PTPRD: variants seen among roughly 807,000 people sequenced by gnomAD.
PTPRD encodes the protein protein tyrosine phosphatase receptor type D.
In PTPRD, 34 loss-of-function variants were observed where a neutral mutation model predicts 214.5. That is an observed-to-expected ratio of 0.16 (90% confidence interval 0.12 to 0.21). The LOEUF (loss-of-function observed/expected upper bound fraction) is 0.21. PTPRD is among the 10% of genes least tolerant of loss of function. The pLI is 1.00. For synonymous variants in PTPRD, 1,128 were observed against 845.7 expected (o/e 1.33, Z -5.79); for missense variants, 2,545 against 2,398.7 (o/e 1.06, Z -1.27).
At chr9:10,009,487 G>A (rs887887773) in intron 4 of PTPRD, among the ~76,000 whole-genome samples, 3 of 151,942 alleles carry the variant, frequency 2.0e-5, no homozygotes, top group Non-Finnish European at 2.9e-5. Flanking sequence ...AAAGAGTTAA[G>A]TAATTATCTA....
chr9:8,892,844 G>A (rs1271108976), intron 11 of PTPRD, among the ~76,000 whole-genome samples: 1 of 151,796 alleles, frequency 6.6e-6, no homozygotes, highest in Non-Finnish European at 1.5e-5. Context: ...AAGGCCCAGA[G>A]AAATAAAAGC....
intron 3 of PTPRD, among the ~76,000 whole-genome samples, chr9:10,235,302 C>T (rs956985166): frequency 6.6e-6 from 1 of 151,976 alleles, no homozygotes. Context: ...GACAATGATA[C>T]ACCCAGTGTG....
intron 3 of PTPRD, among the ~76,000 whole-genome samples, chr9:10,330,651 C>T (rs10959048): frequency 0.35 from 52,437 of 151,412 alleles, 10,166 homozygotes; most frequent in African/African-American, 0.53. Context: ...TAAGATTTGG[C>T]CACAAGAGAT....
At chr9:9,193,624 G>A (rs1224905722) in intron 9 of PTPRD, among the ~76,000 whole-genome samples, 1 of 152,038 alleles carries the variant, frequency 6.6e-6, no homozygotes, top group Non-Finnish European at 1.5e-5. Context: ...GTAACACAAT[G>A]GCAAGTATTT....
At chr9:10,104,461 T>C (rs912155188) in intron 3 of PTPRD, among the ~76,000 whole-genome samples, 1 of 151,658 alleles carries the variant, frequency 6.6e-6, no homozygotes, top group Non-Finnish European at 1.5e-5. Context: ...ATAATAGAAA[T>C]CATAAATTTT....
intron 4 of PTPRD, among the ~76,000 whole-genome samples, chr9:9,992,926 G>C (rs977862659): frequency 6.6e-6 from 1 of 151,860 alleles, no homozygotes; most frequent in Non-Finnish European, 1.5e-5. Flanking sequence ...TTGTGCACAT[G>C]TACCCTAGAA....
intron 8 of PTPRD, among the ~76,000 whole-genome samples, chr9:9,402,177 T>C (rs1023930592): frequency 3.9e-5 from 6 of 152,060 alleles, no homozygotes; most frequent in African/African-American, 1.4e-4. Flanking sequence ...GAATAAAATA[T>C]GACAAATGCT....
At chr9:10,127,255 T>A (rs982868531) in intron 3 of PTPRD, among the ~76,000 whole-genome samples, 4 of 152,150 alleles carry the variant, frequency 2.6e-5, no homozygotes, top group African/African-American at 4.8e-5. Context: ...ACAAGACCAA[T>A]GTCCTGAGTA....
intron 5 of PTPRD, among the ~76,000 whole-genome samples, chr9:9,792,781 A>T (rs952892520): frequency 1.3e-5 from 2 of 152,144 alleles, no homozygotes; most frequent in East Asian, 3.9e-4. Context: ...ATTAAGAGCA[A>T]TCCAAAATCT....
rs190402341 is a variant in PTPRD, at chr9:8,927,369, A to C, written c.-104+91328T>G. Among the ~76,000 whole-genome samples, 789 of 151,466 alleles carry C rather than the reference A, an allele frequency of 5.2e-3. 7 individuals carry two copies. Among genetic ancestry groups the C allele is most frequent in the African/African-American group, 0.018 (762 of 41,416 alleles). On this transcript the variant is annotated intron_variant, in intron 11 of 45. Coordinates refer to ENST00000381196, the MANE Select transcript of PTPRD (RefSeq NM_002839.4). ...GTATTTCTCCTAATGCTATTCCCCA[A>C]CATGACAGGCCCTGGTGTGTGACGT...
At chr9:9,400,277 T>C (rs1235381167) in intron 8 of PTPRD, among the ~76,000 whole-genome samples, 2 of 151,932 alleles carry the variant, frequency 1.3e-5, no homozygotes, top group African/African-American at 4.8e-5. Context: ...ATGGCAGTCG[T>C]CTATTTTACT....
intron 2 of PTPRD, among the ~76,000 whole-genome samples, chr9:10,565,597 A>G (rs1371010853): frequency 6.6e-6 from 1 of 152,138 alleles, no homozygotes; most frequent in Non-Finnish European, 1.5e-5. Context: ...ATTTTTAAAC[A>G]CACACAAACA....
intron 11 of PTPRD, among the ~76,000 whole-genome samples, chr9:8,931,838 C>G (rs1386139628): frequency 6.6e-6 from 1 of 152,022 alleles, no homozygotes; most frequent in Non-Finnish European, 1.5e-5. Flanking sequence ...GCCTCAATTT[C>G]AGAACTTGTT....
At chr9:9,676,219 G>T (rs374201029) in intron 7 of PTPRD, among the ~76,000 whole-genome samples, 1 of 151,730 alleles carries the variant, frequency 6.6e-6, no homozygotes, top group Admixed American at 6.6e-5. Flanking sequence ...TTGGTGTGCC[G>T]CACCCAGTAA....
In PTPRD at chr9:10,425,498, A is replaced by G. The variant is rs561501227; in HGVS notation, c.-599-84481T>C. Among the ~76,000 whole-genome samples, 3 of 152,080 alleles carry G rather than the reference A, an allele frequency of 2.0e-5. No individual in the cohort carries two copies. In the South Asian group the frequency reaches 6.2e-4, roughly 32 times the overall value. ...TAATGTGCTACTTTGTTCTCCAAGC[A>G]CTGAGGTATGTCCTTATAGCATAGG... is the stretch of plus-strand genomic sequence containing the variant. On this transcript the variant is annotated intron_variant, in intron 2 of 45. Coordinates refer to ENST00000381196, the MANE Select transcript of PTPRD (RefSeq NM_002839.4).
chr9:8,875,748 T>C (rs1430610558), intron 11 of PTPRD, among the ~76,000 whole-genome samples: 1 of 151,972 alleles, frequency 6.6e-6, no homozygotes, highest in Non-Finnish European at 1.5e-5. Flanking sequence ...GATTTTAGAG[T>C]GGTTAGAGGA....
chr9:8,535,323 G>T (rs964353021), intron 14 of PTPRD, among the ~76,000 whole-genome samples: 5 of 151,828 alleles, frequency 3.3e-5, no homozygotes, highest in African/African-American at 1.2e-4. Context: ...AAAAACAGGG[G>T]TTATCTAGAC....
At chr9:10,094,214 A>C (rs1487355838) in intron 3 of PTPRD, among the ~76,000 whole-genome samples, 1 of 151,428 alleles carries the variant, frequency 6.6e-6, no homozygotes, top group Non-Finnish European at 1.5e-5. Flanking sequence ...TATTTATTTA[A>C]AATAATTTTT....
chr9:9,258,381 T>C (rs1012730687), intron 9 of PTPRD, among the ~76,000 whole-genome samples: 1 of 151,902 alleles, frequency 6.6e-6, no homozygotes, highest in Non-Finnish European at 1.5e-5. Flanking sequence ...GTAATCTGTA[T>C]TGCTGTTCTG....
Sources: gnomAD v4.1 joint callset for allele counts (sites outside exome capture counted in the v4.1 genomes callset) on GRCh38, gnomAD v4.1.1 for gene constraint, MANE v1.5 for transcripts, NCBI Gene and HGNC (gene_info 2026-07-23, HGNC 2026-07-21) for gene names.